Variants in AKT3 observed in about 807,000 individuals in gnomAD.
AKT3 encodes the protein RAC-gamma serine/threonine-protein kinase.
AKT3 carries 15 observed loss-of-function variants against 65.3 expected under a neutral mutation model. The ratio of observed to expected loss-of-function variants is 0.23; its 90% CI spans 0.15 to 0.35. The LOEUF (loss-of-function observed/expected upper bound fraction) is 0.35. Ranked by LOEUF, AKT3 falls within the 10% of genes least tolerant of loss-of-function variation. The pLI is 1.00. For synonymous variants in AKT3, 206 were observed against 183.8 expected (o/e 1.12, Z -0.98); for missense variants, 243 against 576.5 (o/e 0.42, Z 5.92).
chr1:243,688,744 T>C (rs1453907787), intron 3 of AKT3, among the ~76,000 whole-genome samples: 1 of 152,206 alleles, frequency 6.6e-6, no homozygotes, highest in African/African-American at 2.4e-5. Context: ...TGAATACTGA[T>C]TTGGAAACCG....
chr1:243,833,527 G>A (rs1694679897), intron 2 of AKT3, among the ~76,000 whole-genome samples: 1 of 151,960 alleles, frequency 6.6e-6, no homozygotes, highest in East Asian at 1.9e-4. Context: ...ACCTCCGCCT[G>A]GTCTCTCCCT....
chr1:243,776,383 T>C (rs1690547967), intron 2 of AKT3, among the ~76,000 whole-genome samples: 1 of 152,282 alleles, frequency 6.6e-6, no homozygotes, highest in East Asian at 1.9e-4. Flanking sequence ...AAATGAGGCC[T>C]TTGGGAAAAG....
chr1:243,794,398 C>G (rs1372322823), intron 2 of AKT3: 1 of 152,168 alleles, frequency 6.6e-6, no homozygotes, highest in African/African-American at 2.4e-5. Context: ...CTTACAAATG[C>G]CCATTTAATT....
In AKT3 at chr1:243,526,778, TTAAAAAAAAAAAAAAAAA is replaced by T. The variant is rs1309397897; in HGVS notation, c.1252-14370_1252-14353del. Among the ~76,000 whole-genome samples, 41 of 55,726 alleles carry T rather than the reference TTAAAAAAAAAAAAAAAAA, an allele frequency of 7.4e-4. 1 individual carries two copies. The highest frequency in any genetic ancestry group is 1.6e-3 in the South Asian group (2 of 1,272). 36.6% of individuals were successfully genotyped at this position (55,726 alleles called of 152,430 possible). A position where few individuals can be genotyped will look rare whatever the true frequency, so the allele number is the denominator to read the frequency against. ...TTGCCAGCTGCACTACAAAAAATGG[TTAAAAAAAAAAAAAAAAA>T]AAAAAAAAAAAAAAAAAAATTTAGA... On this transcript the variant is annotated intron_variant, in intron 12 of 13. Transcript: ENST00000673466.
intron 12 of AKT3, among the ~76,000 whole-genome samples, chr1:243,515,970 C>G (rs1195146181): frequency 7.0e-6 from 1 of 142,162 alleles, no homozygotes; most frequent in Non-Finnish European, 1.5e-5. Flanking sequence ...GAGCAAGACT[C>G]CATCTCAAAA....
chr1:243,757,830 G>T (rs906986517), intron 2 of AKT3, among the ~76,000 whole-genome samples: 2 of 150,504 alleles, frequency 1.3e-5, no homozygotes, highest in African/African-American at 4.9e-5. Flanking sequence ...GCGCAATCTC[G>T]GCTCACTGCA....
chr1:243,693,241 T>TATATATATATATATATA (rs1421255607), intron 3 of AKT3, among the ~76,000 whole-genome samples: 1 of 38,262 alleles, frequency 2.6e-5, no homozygotes, highest in Non-Finnish European at 5.2e-5. Flanking sequence ...TAGCTACAAT[T>TATATATATATATATATA]TGATATATAT....
chr1:243,617,709 T>C (rs1678436144), intron 6 of AKT3, among the ~76,000 whole-genome samples: 1 of 151,908 alleles, frequency 6.6e-6, no homozygotes, highest in Non-Finnish European at 1.5e-5. Flanking sequence ...GGGGTGGGGG[T>C]GACATGTTTG....
At chr1:243,542,564 CAAT>C (rs1672396006) in intron 12 of AKT3, among the ~76,000 whole-genome samples, 1 of 151,948 alleles carries the variant, frequency 6.6e-6, no homozygotes, top group Admixed American at 6.5e-5. Flanking sequence ...TTTATCAAAA[CAAT>C]AAAAATGTAA....
At chr1:243,625,988 C>G (rs1679131082) in intron 6 of AKT3, among the ~76,000 whole-genome samples, 1 of 152,184 alleles carries the variant, frequency 6.6e-6, no homozygotes, top group South Asian at 2.1e-4. Context: ...AAGTGGCACT[C>G]CTCCATAGAT....
intron 2 of AKT3, among the ~76,000 whole-genome samples, chr1:243,774,986 C>T (rs1490350161): frequency 1.3e-5 from 2 of 152,158 alleles, no homozygotes; most frequent in African/African-American, 2.4e-5. Context: ...CCTCAGCCAC[C>T]TGAGTAGCTA....
chr1:243,783,038 G>A (rs1303220311), intron 2 of AKT3, among the ~76,000 whole-genome samples: 3 of 152,118 alleles, frequency 2.0e-5, no homozygotes, highest in Admixed American at 6.5e-5. Context: ...TGAGTAATAG[G>A]AGTGATAAAG....
chr1:243,738,376 G>A (rs902743883), intron 2 of AKT3, among the ~76,000 whole-genome samples: 4 of 152,154 alleles, frequency 2.6e-5, no homozygotes, highest in Admixed American at 1.3e-4. Context: ...TTAAGAGACT[G>A]GAAAATGAAG....
intron 2 of AKT3, among the ~76,000 whole-genome samples, chr1:243,796,432 T>C (rs1192039684): frequency 6.6e-6 from 1 of 152,258 alleles, no homozygotes; most frequent in Non-Finnish European, 1.5e-5. Context: ...TTTTTGCTTT[T>C]GCTGTTACAT....
intron 12 of AKT3, among the ~76,000 whole-genome samples, chr1:243,530,827 G>T (rs769543772): frequency 6.6e-6 from 1 of 151,978 alleles, no homozygotes; most frequent in Admixed American, 6.6e-5. Flanking sequence ...AATGACAAAG[G>T]GGTCATTACT....
chr1:243,580,227 T>A (rs1675232545), intron 8 of AKT3, among the ~76,000 whole-genome samples: 1 of 152,126 alleles, frequency 6.6e-6, no homozygotes, highest in Non-Finnish European at 1.5e-5. Context: ...ACTGACGGCA[T>A]CCAGCTGATA....
chr1:243,507,089 T>C (rs1362744254), intron 13 of AKT3, among the ~76,000 whole-genome samples: 2 of 152,232 alleles, frequency 1.3e-5, no homozygotes, highest in African/African-American at 2.4e-5. Flanking sequence ...TCAGTGTTTC[T>C]GCACAGCAAA....
intron 2 of AKT3, among the ~76,000 whole-genome samples, chr1:243,842,785 C>T (rs1032980094): frequency 2.0e-5 from 3 of 152,094 alleles, no homozygotes; most frequent in Non-Finnish European, 4.4e-5. Context: ...CATATAGGAT[C>T]GTACTTTTAC....
At chr1:243,728,447 A>G (rs1687351011) in intron 2 of AKT3, among the ~76,000 whole-genome samples, 1 of 152,218 alleles carries the variant, frequency 6.6e-6, no homozygotes, top group Non-Finnish European at 1.5e-5. Flanking sequence ...ACTTGATACT[A>G]TGCCAGCTGT....
Sources: allele counts gnomAD v4.1 joint callset (sites outside exome capture counted in the v4.1 genomes callset), GRCh38; gene constraint gnomAD v4.1.1; transcripts MANE v1.5; gene names NCBI Gene and HGNC (gene_info 2026-07-23, HGNC 2026-07-21).